IP6K1: variants seen among roughly 807,000 people sequenced by gnomAD.
The protein encoded by IP6K1 is inositol hexakisphosphate kinase 1, also known as ATP:1D-myo-inositol-hexakisphosphate phosphotransferase.
Under a neutral mutation model 38.3 loss-of-function variants are expected in IP6K1, and 13 were observed. The ratio of observed to expected loss-of-function variants is 0.34; its 90% CI spans 0.22 to 0.54. IP6K1 has a LOEUF of 0.54. Ranked by LOEUF, IP6K1 falls within the 20% of genes least tolerant of loss-of-function variation. The pLI is 0.92. For missense variants in IP6K1, 397 were observed against 599.8 expected (o/e 0.66, Z 3.53); for synonymous variants, 212 against 229.9 (o/e 0.92, Z 0.70).
rs201850214 is a variant in IP6K1 at position 49,732,783 on chromosome 3, G to A, written c.616+8C>T. 63 of 1,605,978 alleles carry A rather than the reference G, an allele frequency of 3.9e-5. No homozygotes were observed. Among genetic ancestry groups the A allele is most frequent in the East Asian group, 1.1e-4 (5 of 44,622 alleles). ...TAGACACTCCTGAAGGAGGGGCAAC[G>A]AGGATACTGTAGAGCTTTCGGTCCT... On this transcript the variant is annotated splice_region_variant and intron_variant, in intron 4 of 5. Transcript: ENST00000321599.
intron 1 of IP6K1, among the ~76,000 whole-genome samples, chr3:49,781,065 A>ATTTT (rs34672159): frequency 0.47 from 69,008 of 146,416 alleles, 16,922 homozygotes; most frequent in African/African-American, 0.58. Context: ...AACAAAAAAG[A>ATTTT]TTTTTTTTTT....
chr3:49,748,307 C>T, intron 1 of IP6K1, 139 bp from the exon 2 acceptor site: 1 of 473,914 alleles, frequency 2.1e-6, no homozygotes, highest in Non-Finnish European at 3.9e-6. Flanking sequence ...CTACGTGGCA[C>T]ATGAAAGGCA....
At chr3:49,775,754 C>T (rs1449601942) in intron 1 of IP6K1, 3 of 325,832 alleles carry the variant, frequency 9.2e-6, no homozygotes, top group Middle Eastern at 9.1e-4. Context: ...CTTACCAACC[C>T]TCCCCTCCCT....
At chr3:49,766,058 C>A (rs980860266) in intron 1 of IP6K1, among the ~76,000 whole-genome samples, 2 of 152,044 alleles carry the variant, frequency 1.3e-5, no homozygotes, top group African/African-American at 4.8e-5. Flanking sequence ...CGCCTGTAGT[C>A]CCAGCTACTT....
chr3:49,740,486 T>C (rs2080656995), intron 2 of IP6K1, among the ~76,000 whole-genome samples: 1 of 152,180 alleles, frequency 6.6e-6, no homozygotes, highest in Admixed American at 6.6e-5. Flanking sequence ...AAAAATGCTG[T>C]ACCCATTAAG....
Position 49,727,019 on chromosome 3 carries a change from T to C in IP6K1, c.*103A>G, listed in dbSNP as rs2080510777. On this transcript the variant is annotated 3_prime_UTR_variant, in exon 6 of 6. Coordinates refer to ENST00000321599, the MANE Select transcript of IP6K1 (RefSeq NM_153273.4). This position sits in a 1 kb window ranked among gnomAD's most constrained non-coding sequence, Gnocchi z 5.9. ...TCTTTTAGTTTACACCAAAGAGAAA[T>C]ATAACCCTTTAAAAGCAAGTCTGTG... 8.7e-7 allele frequency: 1 copy of C among 1,146,484 alleles called. No homozygotes were observed. The highest frequency in any genetic ancestry group is 1.6e-5 in the African/African-American group (1 of 64,416). The allele number at this position is 1,146,484 out of a possible 1,614,324, so 71.0% of individuals were successfully genotyped here.
chr3:49,764,550 C>G (rs1320299102), intron 1 of IP6K1, among the ~76,000 whole-genome samples: 2 of 151,964 alleles, frequency 1.3e-5, no homozygotes, highest in Non-Finnish European at 2.9e-5. Flanking sequence ...ACCCCAACCC[C>G]CACACTGTAC....
chr3:49,775,500 G>T, intron 1 of IP6K1: 1 of 767,992 alleles, frequency 1.3e-6, no homozygotes, highest in Non-Finnish European at 2.1e-6. Context: ...TTACTGTAAG[G>T]AGTGCACCAT....
intron 1 of IP6K1, among the ~76,000 whole-genome samples, chr3:49,752,423 A>C (rs2080786148): frequency 6.6e-6 from 1 of 150,994 alleles, no homozygotes; most frequent in Non-Finnish European, 1.5e-5. Context: ...TGGGAGGCAG[A>C]GCTTGCAGTG....
chr3:49,729,228 T>G (rs1178263596), intron 4 of IP6K1, among the ~76,000 whole-genome samples: 2 of 152,178 alleles, frequency 1.3e-5, no homozygotes, highest in African/African-American at 4.8e-5. Flanking sequence ...CTGGCTTATT[T>G]CACTTAGCAG....
At chr3:49,746,447 G>T (rs7372852) in intron 2 of IP6K1, among the ~76,000 whole-genome samples, 1 of 120,660 alleles carries the variant, frequency 8.3e-6, no homozygotes, top group Non-Finnish European at 1.7e-5. Context: ...CGAGGCAGGC[G>T]GATCACAAGG....
intron 2 of IP6K1, among the ~76,000 whole-genome samples, chr3:49,738,770 A>T (rs1006405728): frequency 1.3e-5 from 2 of 152,084 alleles, no homozygotes; most frequent in African/African-American, 4.8e-5. Context: ...TAGTTACTTA[A>T]GTGCTTTATG....
intron 1 of IP6K1, among the ~76,000 whole-genome samples, chr3:49,761,349 G>A (rs189555359): frequency 6.6e-5 from 10 of 150,386 alleles, no homozygotes; most frequent in East Asian, 2.0e-4. Flanking sequence ...TGACCTGGCC[G>A]GGCGTGGTGG....
intron 1 of IP6K1, among the ~76,000 whole-genome samples, chr3:49,778,846 G>A (rs1013762044): frequency 2.6e-5 from 4 of 151,826 alleles, no homozygotes; most frequent in African/African-American, 7.3e-5. Context: ...AGCTGGTCTC[G>A]AACCCCTGGG....
At chr3:49,737,711 C>A (rs530212862) in intron 3 of IP6K1, among the ~76,000 whole-genome samples, 12 of 152,224 alleles carry the variant, frequency 7.9e-5, no homozygotes, top group Non-Finnish European at 1.5e-4. Context: ...TTTGAACTTA[C>A]AAGAAAAATC....
At chr3:49,759,979 TACA>T (rs1274340881) in intron 1 of IP6K1, among the ~76,000 whole-genome samples, 3 of 152,168 alleles carry the variant, frequency 2.0e-5, no homozygotes, top group Non-Finnish European at 4.4e-5. Flanking sequence ...CACGGGTTAC[TACA>T]ACTTGAATTC....
At chr3:49,767,873 A>G (rs1363091519) in intron 1 of IP6K1, among the ~76,000 whole-genome samples, 2 of 152,144 alleles carry the variant, frequency 1.3e-5, no homozygotes, top group Non-Finnish European at 2.9e-5. Context: ...ATAACTCGAC[A>G]ACAACAAAAA....
chr3:49,738,991 A>G (rs929531428), intron 2 of IP6K1, among the ~76,000 whole-genome samples: 9 of 152,154 alleles, frequency 5.9e-5, no homozygotes. Context: ...GCCGTGCTGT[A>G]TCCGTAATAG....
chr3:49,767,509 G>A (rs192432217), intron 1 of IP6K1, among the ~76,000 whole-genome samples: 100 of 152,156 alleles, frequency 6.6e-4, no homozygotes, highest in Non-Finnish European at 1.2e-3. Context: ...GAACCGGGAG[G>A]CGGAAACTGT....
Sources: gnomAD v4.1 joint callset for allele counts (sites outside exome capture counted in the v4.1 genomes callset) on GRCh38, gnomAD v4.1.1 for gene constraint, Gnocchi (gnomAD v3.1) non-coding constraint, MANE v1.5 for transcripts, NCBI Gene and HGNC (gene_info 2026-07-23, HGNC 2026-07-21) for gene names.